BTG4: variants seen among roughly 807,000 people sequenced by gnomAD.
BTG4 encodes protein BTG4.
Under a neutral mutation model 19.3 loss-of-function variants are expected in BTG4, and 10 were observed. That is an observed-to-expected ratio of 0.52 (90% CI 0.32 to 0.88). The LOEUF (loss-of-function observed/expected upper bound fraction) is 0.88, where lower values mean the gene tolerates loss of function less well. Ranked by LOEUF, BTG4 falls within the 40% of genes least tolerant of loss-of-function variation. BTG4 has a pLI of 0.04. For synonymous variants in BTG4, 91 were observed against 95.7 expected, an observed-to-expected ratio of 0.95 and a Z score of 0.29; for missense variants, 238 against 281.9, an observed-to-expected ratio of 0.84 and a Z score of 1.11.
At chr11:111,427,471 T>C in the BTG4 span, among the ~76,000 whole-genome samples, 2 of 152,128 alleles carry the variant, frequency 1.3e-5, no homozygotes, top group Non-Finnish European at 2.9e-5. Flanking sequence ...GCCAACTCCA[T>C]ATAAAACAAC....
At chr11:111,478,674 C>T (rs1307837263) in intron 5 of BTG4, among the ~76,000 whole-genome samples, 1 of 151,992 alleles carries the variant, frequency 6.6e-6, no homozygotes, top group Non-Finnish European at 1.5e-5. Context: ...AAATCGAAGA[C>T]AGAACTAAAT....
chr11:111,409,109 A>G, the BTG4 span, among the ~76,000 whole-genome samples: 1 of 152,254 alleles, frequency 6.6e-6, no homozygotes, highest in Admixed American at 6.5e-5. Context: ...TTGTGGTTAC[A>G]GAAAATCAAA....
chr11:111,389,984 A>T, the BTG4 span, among the ~76,000 whole-genome samples: 2 of 152,228 alleles, frequency 1.3e-5, no homozygotes, highest in Non-Finnish European at 2.9e-5. Flanking sequence ...TACTTTACAC[A>T]TATTAGTTCA....
chr11:111,498,414 G>A (rs1190263806), intron 2 of BTG4, among the ~76,000 whole-genome samples, 190 bp downstream of exon 2: 1 of 152,186 alleles, frequency 6.6e-6, no homozygotes, highest in African/African-American at 2.4e-5. Context: ...AAGGGGCTTT[G>A]CTCTGTTGTT....
the BTG4 span, among the ~76,000 whole-genome samples, chr11:111,425,323 G>A: frequency 1.5e-4 from 23 of 152,224 alleles, no homozygotes; most frequent in Middle Eastern, 3.4e-3. Flanking sequence ...GCTCCATGCT[G>A]ATCATGGAGA....
chr11:111,435,484 A>AT, the BTG4 span, among the ~76,000 whole-genome samples: 1 of 152,188 alleles, frequency 6.6e-6, no homozygotes, highest in African/African-American at 2.4e-5. Flanking sequence ...GCACCACGAA[A>AT]GCATACCGCT....
At chr11:111,513,673 T>C (rs530410858), upstream of BTG4, among the ~76,000 whole-genome samples, 1 of 152,330 alleles carries the variant, frequency 6.6e-6, no homozygotes, top group African/African-American at 2.4e-5. Flanking sequence ...GTAATGTGTA[T>C]GTATGTGGGG....
chr11:111,424,573 C>T, the BTG4 span, among the ~76,000 whole-genome samples: 2 of 152,200 alleles, frequency 1.3e-5, no homozygotes, highest in Non-Finnish European at 2.9e-5. Flanking sequence ...CAAAGTCATT[C>T]ATCATCATTA....
chr11:111,497,227 G>T lies in BTG4; in HGVS notation c.494C>A (p.Pro165Gln). The change falls in exon 4 of 5, where the codon CCG (proline) becomes CAG (glutamine). Residue 165 changes from proline (P) to glutamine (Q), a missense_variant. Transcript: ENST00000692032. The part of the protein sequence containing the change: ...EPRVIPKVSN[P>Q]KSIYQVENLK... ...ACTCTTGACCTGATAAATACTCTTCGGATTGCTGACTTTAGGAATGACACG... is the reference window on the plus strand; with the variant it reads ...ACTCTTGACCTGATAAATACTCTTCTGATTGCTGACTTTAGGAATGACACG... 1.2e-6 allele frequency: 2 copies of T among 1,612,868 alleles called. No individual in the cohort carries two copies. Among genetic ancestry groups the T allele is most frequent in the Non-Finnish European group, 1.7e-6 (2 of 1,179,452 alleles).
chr11:111,513,609 T>C, upstream of BTG4: 1 of 419,352 alleles, frequency 2.4e-6, no homozygotes. Context: ...TGCCTATTAA[T>C]TGCTCAGCCA....
chr11:111,478,436 A>C (rs2135561461), intron 5 of BTG4, among the ~76,000 whole-genome samples: 1 of 152,294 alleles, frequency 6.6e-6, no homozygotes, highest in South Asian at 2.1e-4. Flanking sequence ...ATGGTATCAA[A>C]AGCATCCAGG....
At chr11:111,478,598 C>T (rs1020085753) in intron 5 of BTG4, among the ~76,000 whole-genome samples, 3 of 151,792 alleles carry the variant, frequency 2.0e-5, no homozygotes, top group African/African-American at 4.8e-5. Flanking sequence ...CTTCAACAAG[C>T]GATTATGAAC....
At chr11:111,512,866 T>C (rs1867049346), upstream of BTG4, 2 of 405,104 alleles carry the variant, frequency 4.9e-6, no homozygotes, top group African/African-American at 2.2e-5. Context: ...CCCGGTGAAA[T>C]GGGGTCCGAG....
the BTG4 span, among the ~76,000 whole-genome samples, chr11:111,443,059 ACAT>A: frequency 6.6e-6 from 1 of 152,228 alleles, no homozygotes; most frequent in Non-Finnish European, 1.5e-5. Flanking sequence ...CAACAGTGAT[ACAT>A]CATGTTGATT....
chr11:111,416,208 T>C, the BTG4 span, among the ~76,000 whole-genome samples: 1 of 152,058 alleles, frequency 6.6e-6, no homozygotes, highest in Non-Finnish European at 1.5e-5. Flanking sequence ...GGGTTGAGCC[T>C]GATAGGGGGA....
chr11:111,501,655 G>A (rs1175807986), intron 1 of BTG4, among the ~76,000 whole-genome samples: 2 of 152,084 alleles, frequency 1.3e-5, no homozygotes, highest in Non-Finnish European at 2.9e-5. Context: ...TTTCAAAATA[G>A]CTAGAAGATT....
At chr11:111,460,540 A>G in the BTG4 span, among the ~76,000 whole-genome samples, 3 of 152,074 alleles carry the variant, frequency 2.0e-5, no homozygotes, top group African/African-American at 7.2e-5. Context: ...GTGGTTCACA[A>G]GGGTGTTAAG....
At chr11:111,427,547 C>A in the BTG4 span, among the ~76,000 whole-genome samples, 1 of 152,194 alleles carries the variant, frequency 6.6e-6, no homozygotes, top group African/African-American at 2.4e-5. Flanking sequence ...CCCTTTATAA[C>A]TGTCAGGCTT....
the BTG4 span, among the ~76,000 whole-genome samples, chr11:111,412,868 C>T: frequency 2.6e-5 from 4 of 152,302 alleles, 1 homozygote; most frequent in African/African-American, 9.6e-5. Context: ...TATAACTCAA[C>T]ACAAAACTTC....
Sources: gnomAD v4.1 joint callset for allele counts (sites outside exome capture counted in the v4.1 genomes callset) on GRCh38, gnomAD v4.1.1 for gene constraint, MANE v1.5 for transcripts, NCBI Gene and HGNC (gene_info 2026-07-23, HGNC 2026-07-21) for gene names.